Variants in STK32B observed in about 807,000 individuals in gnomAD.
STK32B encodes the protein serine/threonine-protein kinase 32B.
A neutral mutation model predicts 52.6 loss-of-function variants in STK32B; 43 were observed. The observed-to-expected ratio is 0.82, with a 90% CI of 0.64 to 1.05. The LOEUF (loss-of-function observed/expected upper bound fraction) is 1.05, where lower values mean the gene tolerates loss of function less well. Among genes scored for constraint, STK32B ranks in the 50% least tolerant of loss-of-function variants. The probability of loss-of-function intolerance (pLI) is 0.00; values close to 1 mark genes in which losing one functional copy is unlikely to be tolerated. For synonymous variants in STK32B, 238 were observed against 204.3 expected (o/e 1.17, Z -1.41); for missense variants, 621 against 534.6 (o/e 1.16, Z -1.59).
At chr4:5,457,650 A>T (rs1295277188) in intron 8 of STK32B, among the ~76,000 whole-genome samples, 1 of 150,724 alleles carries the variant, frequency 6.6e-6, no homozygotes, top group Admixed American at 6.6e-5. Context: ...GGTGGATCAC[A>T]TGAGGTCAGG....
intron 3 of STK32B, among the ~76,000 whole-genome samples, chr4:5,176,438 CTTTTTTTTTTT>C (rs34628636): frequency 8.9e-6 from 1 of 111,984 alleles, no homozygotes; most frequent in Non-Finnish European, 1.7e-5. Flanking sequence ...CGGCCATCAT[CTTTTTTTTTTT>C]TTTTTTTTTT....
intron 3 of STK32B, among the ~76,000 whole-genome samples, chr4:5,328,631 T>C (rs1200840934): frequency 1.3e-5 from 2 of 152,332 alleles, no homozygotes; most frequent in Admixed American, 1.3e-4. Flanking sequence ...TCAAAGACCA[T>C]TTATCATAGA....
chr4:5,168,535 G>T (rs921718249), intron 3 of STK32B, 85 bp downstream of exon 3: 53 of 1,429,472 alleles, frequency 3.7e-5, no homozygotes, highest in Non-Finnish European at 4.7e-5. Context: ...GGACTCTTCC[G>T]CATTGTAAAG....
intron 4 of STK32B, among the ~76,000 whole-genome samples, chr4:5,333,745 A>G (rs1732433724): frequency 6.6e-6 from 1 of 152,122 alleles, no homozygotes; most frequent in Admixed American, 6.6e-5. Flanking sequence ...TCCTTTCCCC[A>G]TTGCTTGTTT....
At chr4:5,096,146 G>A (rs1391417825) in intron 1 of STK32B, among the ~76,000 whole-genome samples, 1 of 152,202 alleles carries the variant, frequency 6.6e-6, no homozygotes, top group Non-Finnish European at 1.5e-5. Flanking sequence ...TTTCCACAGG[G>A]AGCATGTGCT....
Position 5,107,837 on chromosome 4 carries a change from A to AT in STK32B, c.53-32060dup, listed in dbSNP as rs199981495. On this transcript the variant is annotated intron_variant, in intron 1 of 11. Coordinates refer to ENST00000282908, the MANE Select transcript of STK32B (RefSeq NM_018401.3). ...TTAAAATTGAGGCTCATGTGAACTC[A>AT]TTTTTTTTGTAAATTCTATGCATTT... Among the ~76,000 whole-genome samples the AT allele has an allele frequency of 7.5e-3, 1,146 of 152,004 alleles. 14 individuals carry two copies. Among genetic ancestry groups the AT allele is most frequent in the Middle Eastern group, 0.031 (9 of 294 alleles).
chr4:5,486,220 C>G (rs184726255), intron 11 of STK32B, among the ~76,000 whole-genome samples: 4 of 152,174 alleles, frequency 2.6e-5, no homozygotes, highest in African/African-American at 9.7e-5. Context: ...CTCCTTGAGC[C>G]GTAGTGGGCT....
intron 3 of STK32B, 116 bp downstream of exon 3, chr4:5,168,566 G>T: frequency 8.0e-7 from 1 of 1,248,890 alleles, no homozygotes; most frequent in Non-Finnish European, 1.1e-6. Flanking sequence ...GCAATTTTCT[G>T]GGTTCAGTTA....
chr4:5,213,775 A>G (rs1360277733), intron 3 of STK32B, among the ~76,000 whole-genome samples: 1 of 152,046 alleles, frequency 6.6e-6, no homozygotes. Context: ...TTATTGATTT[A>G]TGGGGGGATT....
intron 11 of STK32B, among the ~76,000 whole-genome samples, chr4:5,498,138 G>A (rs1720446750): frequency 6.6e-6 from 1 of 152,182 alleles, no homozygotes; most frequent in African/African-American, 2.4e-5. Flanking sequence ...CAGGATGTGA[G>A]TTGAGTTCTT....
chr4:5,436,627 G>A (rs1226974758), intron 6 of STK32B: 3 of 985,308 alleles, frequency 3.0e-6, no homozygotes, highest in Admixed American at 6.1e-5. Flanking sequence ...ATCAGAACAT[G>A]AGCAGCATGT....
intron 4 of STK32B, among the ~76,000 whole-genome samples, chr4:5,342,481 A>G (rs1733152332): frequency 6.6e-6 from 1 of 152,212 alleles, no homozygotes; most frequent in Admixed American, 6.5e-5. Context: ...TTTCTCACTC[A>G]TGGTTGGGAA....
At chr4:5,287,087 C>T (rs1018383301) in intron 3 of STK32B, among the ~76,000 whole-genome samples, 4 of 152,102 alleles carry the variant, frequency 2.6e-5, no homozygotes, top group South Asian at 4.1e-4. Flanking sequence ...TGAGCCACCG[C>T]GCCCAGCCAG....
chr4:5,499,279 C>T lies in STK32B; in HGVS notation c.*196C>T, dbSNP rs1720552598. 4 of 631,014 alleles carry T rather than the reference C, an allele frequency of 6.3e-6. No homozygotes were observed. The highest frequency in any genetic ancestry group is 9.5e-6 in the Non-Finnish European group (4 of 422,702). 39.1% of individuals were successfully genotyped at this position (631,014 alleles called of 1,614,324 possible). Reference sequence around the variant, plus strand: ...TTCACGTGTGACCTCAGACAAGTCACGCCCTCTCTGTGCCTCCGTTTTCTG... The same window carrying T: ...TTCACGTGTGACCTCAGACAAGTCATGCCCTCTCTGTGCCTCCGTTTTCTG... On this transcript the variant is annotated 3_prime_UTR_variant, in exon 12 of 12. Transcript: ENST00000282908.
chr4:5,403,368 A>C (rs1269488232), intron 5 of STK32B, among the ~76,000 whole-genome samples: 1 of 152,140 alleles, frequency 6.6e-6, no homozygotes, highest in Non-Finnish European at 1.5e-5. Flanking sequence ...AAGTCTGCTA[A>C]CCTTGCCTCA....
At chr4:5,339,052 CTCTT>C (rs1732898038) in intron 4 of STK32B, among the ~76,000 whole-genome samples, 1 of 152,132 alleles carries the variant, frequency 6.6e-6, no homozygotes, top group African/African-American at 2.4e-5. Flanking sequence ...GAGCCATTCA[CTCTT>C]TCTACTTGAC....
chr4:5,493,895 T>G (rs1258132418), intron 11 of STK32B, among the ~76,000 whole-genome samples: 10 of 152,370 alleles, frequency 6.6e-5, no homozygotes, highest in South Asian at 4.1e-4. Context: ...GGTTTTGCGT[T>G]AGTTTCTTAA....
Position 5,159,693 on chromosome 4 carries a change from A to G in STK32B, c.109-8606A>G, listed in dbSNP as rs1001315932. Among the ~76,000 whole-genome samples the G allele has an allele frequency of 2.7e-5, 3 of 112,624 alleles. 1 individual carries two copies. Among genetic ancestry groups the G allele is most frequent in the African/African-American group, 1.4e-4 (3 of 21,764 alleles). The allele number at this position is 112,624 out of a possible 152,430, so 73.9% of individuals were successfully genotyped here. A position where few individuals can be genotyped will look rare whatever the true frequency, so the allele number is the denominator to read the frequency against. On this transcript the variant is annotated intron_variant, in intron 2 of 11. Transcript: ENST00000282908. ...TATATGAATATATATATGAATATATATGAATATATATGAATATATATATGA... is the reference window on the plus strand; with the variant it reads ...TATATGAATATATATATGAATATATGTGAATATATATGAATATATATATGA...
intron 3 of STK32B, among the ~76,000 whole-genome samples, chr4:5,238,623 T>A (rs1255791470): frequency 6.6e-6 from 1 of 152,260 alleles, no homozygotes; most frequent in Non-Finnish European, 1.5e-5. Flanking sequence ...AAAATCCATT[T>A]GTATCTTTTC....
Sources: allele counts gnomAD v4.1 joint callset (sites outside exome capture counted in the v4.1 genomes callset), GRCh38; gene constraint gnomAD v4.1.1; transcripts MANE v1.5; gene names NCBI Gene and HGNC (gene_info 2026-07-23, HGNC 2026-07-21).